The following TTBK2 variants were observed in gnomAD, a reference collection of about 807,000 sequenced individuals.
TTBK2 encodes tau-tubulin kinase 2.
In TTBK2, 28 loss-of-function variants were observed where a neutral mutation model predicts 110.8. The ratio of observed to expected loss-of-function variants is 0.25; its 90% CI spans 0.19 to 0.35. The LOEUF (loss-of-function observed/expected upper bound fraction) is 0.35. Ranked by LOEUF, TTBK2 falls within the 10% of genes least tolerant of loss-of-function variation. The pLI, the probability that TTBK2 is intolerant of heterozygous loss-of-function variation, is 1.00. For synonymous variants in TTBK2, 532 were observed against 527.3 expected (o/e 1.01, Z -0.12); for missense variants, 1,369 against 1,500.3 (o/e 0.91, Z 1.45).
At position 42,919,633 on chromosome 15, in the gene TTBK2, A is replaced by T. The variant is rs192288761; in HGVS notation, c.-68+805T>A. The stretch of plus-strand genomic sequence containing the variant: ...CACATTATTAGAAGTGTATAATAAA[A>T]CTGTCCTCTTTAATGTTCAAAGAAA... On this transcript the variant is annotated intron_variant, in intron 1 of 14. Coordinates refer to ENST00000267890, the MANE Select transcript of TTBK2 (RefSeq NM_173500.4). 1.5e-5 allele frequency: 3 copies of T among 198,926 alleles called. No individual in the cohort carries two copies. The East Asian group carries it at 5.6e-4, about 37-fold the overall frequency. 12.3% of individuals were successfully genotyped at this position (198,926 alleles called of 1,614,324 possible). A position where few individuals can be genotyped will look rare whatever the true frequency, so the allele number is the denominator to read the frequency against.
chr15:42,775,106 G>T, intron 13 of TTBK2, 29 bp downstream of exon 13: 1 of 1,602,526 alleles, frequency 6.2e-7, no homozygotes. Flanking sequence ...GTGGATAACA[G>T]AGAATAATAA....
intron 6 of TTBK2, among the ~76,000 whole-genome samples, chr15:42,826,113 A>G (rs1403268306): frequency 2.0e-5 from 3 of 152,160 alleles, no homozygotes; most frequent in Non-Finnish European, 4.4e-5. Flanking sequence ...CAACCAATTC[A>G]AGTTTCCTAG....
At chr15:42,920,012 T>C (rs545224878) in intron 1 of TTBK2, among the ~76,000 whole-genome samples, 1 of 152,036 alleles carries the variant, frequency 6.6e-6, no homozygotes, top group South Asian at 2.1e-4. Flanking sequence ...GCAAACAGAT[T>C]CAGTAGTCCC....
In TTBK2 at chr15:42,854,243, G is replaced by A. The variant is rs117342680; in HGVS notation, c.218-13810C>T. 8.9e-4 allele frequency among the ~76,000 whole-genome samples: 135 copies of A among 152,256 alleles called. 2 individuals are homozygous for A. The East Asian group carries it at 0.022, about 25-fold the overall frequency. On this transcript the variant is annotated intron_variant, in intron 3 of 14. Transcript: ENST00000267890. ...CATGAGTTACTGCACCTGGCCTACA[G>A]AATACTTTTAAAAGAAAAACATTTT...
At chr15:42,889,889 C>T (rs1895386905) in intron 1 of TTBK2, among the ~76,000 whole-genome samples, 1 of 152,084 alleles carries the variant, frequency 6.6e-6, no homozygotes, top group South Asian at 2.1e-4. Flanking sequence ...CATACCACCC[C>T]CAAAATTTTT....
At chr15:42,914,734 TTTAA>T (rs980311993) in intron 1 of TTBK2, among the ~76,000 whole-genome samples, 3 of 152,238 alleles carry the variant, frequency 2.0e-5, no homozygotes, top group African/African-American at 4.8e-5. Flanking sequence ...TCATTATTTA[TTTAA>T]TTATTTAACT....
intron 11 of TTBK2, among the ~76,000 whole-genome samples, chr15:42,779,435 A>C (rs553222552): frequency 1.3e-5 from 2 of 151,858 alleles, no homozygotes; most frequent in East Asian, 3.9e-4. Flanking sequence ...AAAGAAAACA[A>C]ACCAAAAAAA....
At chr15:42,833,088 C>T (rs34896977) in intron 4 of TTBK2, among the ~76,000 whole-genome samples, 10,387 of 151,674 alleles carry the variant, frequency 0.068, 518 homozygotes, top group Non-Finnish European at 0.1. Flanking sequence ...GAAAAGATAA[C>T]TAGTGGGTAC....
chr15:42,772,371 T>G (rs1158786714), intron 13 of TTBK2, among the ~76,000 whole-genome samples: 1 of 152,072 alleles, frequency 6.6e-6, no homozygotes, highest in African/African-American at 2.4e-5. Context: ...GTCATGTGAG[T>G]GAGCTTGGAA....
intron 1 of TTBK2, among the ~76,000 whole-genome samples, chr15:42,906,164 G>A (rs1640302818): frequency 6.6e-6 from 1 of 151,886 alleles, no homozygotes; most frequent in Non-Finnish European, 1.5e-5. Flanking sequence ...CTTCAGCCTA[G>A]GCAACAAGAG....
At chr15:42,879,588 A>G (rs1053079877) in intron 1 of TTBK2, among the ~76,000 whole-genome samples, 17 of 152,024 alleles carry the variant, frequency 1.1e-4, no homozygotes, top group Non-Finnish European at 2.2e-4. Flanking sequence ...CAAAAGCCAT[A>G]CACAATTATG....
At chr15:42,764,553 GA>G (rs1253011084) in intron 13 of TTBK2, among the ~76,000 whole-genome samples, 1 of 152,378 alleles carries the variant, frequency 6.6e-6, no homozygotes, top group Non-Finnish European at 1.5e-5. Flanking sequence ...CTGGCAGGGG[GA>G]GGGGCGTCTG....
rs949776320 is a variant in TTBK2 at position 42,742,001 on chromosome 15, G to T, written c.*3794C>A. 5 of 152,186 alleles carry T rather than the reference G, an allele frequency of 3.3e-5. No homozygotes were observed. The East Asian group carries it at 7.7e-4, about 23-fold the overall frequency. The allele number at this position is 152,186 out of a possible 1,614,324, so 9.4% of individuals were successfully genotyped here. On this transcript the variant is annotated 3_prime_UTR_variant, in exon 15 of 15. Transcript: ENST00000267890. ...CACCAATGTACACTTTCTCCTTGTA[G>T]ATTGAATGCAACTATAGAAGTATTA... is the stretch of plus-strand genomic sequence containing the variant.
intron 10 of TTBK2, among the ~76,000 whole-genome samples, chr15:42,791,584 G>C (rs182766073): frequency 6.6e-6 from 1 of 151,818 alleles, no homozygotes; most frequent in Admixed American, 6.6e-5. Context: ...TCAATTATGA[G>C]ATAATTTTGT....
chr15:42,770,450 C>G (rs1889620889), intron 13 of TTBK2, among the ~76,000 whole-genome samples: 1 of 152,280 alleles, frequency 6.6e-6, no homozygotes, highest in South Asian at 2.1e-4. Flanking sequence ...ATGTTGCACA[C>G]ATGAGTATAT....
chr15:42,858,453 T>C (rs1182454940), intron 3 of TTBK2, among the ~76,000 whole-genome samples: 1 of 152,210 alleles, frequency 6.6e-6, no homozygotes, highest in Non-Finnish European at 1.5e-5. Flanking sequence ...CTGATGCTTA[T>C]TAAGACTGAG....
At chr15:42,915,262 GT>G (rs2031019146) in intron 1 of TTBK2, among the ~76,000 whole-genome samples, 1 of 152,176 alleles carries the variant, frequency 6.6e-6, no homozygotes, top group East Asian at 1.9e-4. Flanking sequence ...CCATCCCTTT[GT>G]CCAGCATGTA....
At chr15:42,866,566 A>C (rs1894380635) in intron 3 of TTBK2, among the ~76,000 whole-genome samples, 1 of 152,232 alleles carries the variant, frequency 6.6e-6, no homozygotes, top group Non-Finnish European at 1.5e-5. Context: ...AATTAACTAG[A>C]TATAACTGAC....
At position 42,774,222 on chromosome 15, in the gene TTBK2, G is replaced by T. The variant is rs118074982; in HGVS notation, c.1998+913C>A. ...TGGGGAACAATGCTGTTTCTGGTGA[G>T]TTGGGGGAGGGGGACTGCTAGATGA... On this transcript the variant is annotated intron_variant, in intron 13 of 14. Transcript: ENST00000267890. Among the ~76,000 whole-genome samples, 449 of 152,320 alleles carry T rather than the reference G, an allele frequency of 2.9e-3. 9 individuals are homozygous for T. The East Asian group carries it at 0.044, about 15-fold the overall frequency.
Sources: gnomAD v4.1 joint callset for allele counts (sites outside exome capture counted in the v4.1 genomes callset) on GRCh38, gnomAD v4.1.1 for gene constraint, MANE v1.5 for transcripts, NCBI Gene and HGNC (gene_info 2026-07-23, HGNC 2026-07-21) for gene names.